DPH6: variants seen among roughly 807,000 people sequenced by gnomAD.
DPH6 encodes the protein diphthine--ammonia ligase.
Under a neutral mutation model 38.2 loss-of-function variants are expected in DPH6, and 33 were observed. The observed-to-expected ratio is 0.86, with a 90% CI of 0.65 to 1.15. The LOEUF (loss-of-function observed/expected upper bound fraction) is 1.15, where lower values mean the gene tolerates loss of function less well. Ranked by LOEUF, DPH6 falls within the 50% of genes most tolerant of loss-of-function variation. DPH6 has a pLI of 0.00. For synonymous variants in DPH6, 108 were observed against 103.0 expected (o/e 1.05, Z -0.30); for missense variants, 325 against 320.0 (o/e 1.02, Z -0.12).
intron 3 of DPH6, among the ~76,000 whole-genome samples, chr15:35,362,324 C>T (rs1417856593): frequency 6.6e-6 from 1 of 152,084 alleles, no homozygotes; most frequent in Non-Finnish European, 1.5e-5. Context: ...TCTCTGTGGC[C>T]CTCAGGAATC....
chr15:35,156,793 G>A, the DPH6 span, among the ~76,000 whole-genome samples: 1 of 152,054 alleles, frequency 6.6e-6, no homozygotes, highest in Non-Finnish European at 1.5e-5. Flanking sequence ...AGTTACAGGT[G>A]CTCTGTGTTT....
chr15:35,388,699 A>AT (rs1368699664), intron 6 of DPH6, among the ~76,000 whole-genome samples: 3 of 151,924 alleles, frequency 2.0e-5, no homozygotes, highest in African/African-American at 7.3e-5. Context: ...CCCCTTTGTC[A>AT]TTTTTTATTG....
intron 3 of DPH6, among the ~76,000 whole-genome samples, chr15:35,286,499 T>C (rs912223896): frequency 6.6e-6 from 1 of 152,160 alleles, no homozygotes; most frequent in African/African-American, 2.4e-5. Flanking sequence ...ATAGGCAACA[T>C]AAGCAGTAGG....
chr15:35,357,125 G>C (rs1488166241), intron 3 of DPH6, among the ~76,000 whole-genome samples: 1 of 152,264 alleles, frequency 6.6e-6, no homozygotes, highest in Non-Finnish European at 1.5e-5. Flanking sequence ...TGCTAAGACT[G>C]TTGGAGAAGC....
the DPH6 span, among the ~76,000 whole-genome samples, chr15:35,178,656 T>C: frequency 3.6e-4 from 55 of 152,198 alleles, no homozygotes; most frequent in Non-Finnish European, 7.5e-4. Flanking sequence ...AGAAGTTTTT[T>C]TGTTGGCTTC....
intron 3 of DPH6, chr15:35,521,931 G>C (rs2054927933): frequency 8.5e-6 from 12 of 1,419,858 alleles, no homozygotes; most frequent in Non-Finnish European, 1.1e-5. Context: ...TACATGGAAA[G>C]TTCATTTTTG....
intron 5 of DPH6, among the ~76,000 whole-genome samples, chr15:35,447,071 G>A (rs1339560517): frequency 1.3e-5 from 2 of 151,872 alleles, no homozygotes; most frequent in Non-Finnish European, 2.9e-5. Context: ...GGGTTTCACC[G>A]TGTTAGACAC....
intron 3 of DPH6, among the ~76,000 whole-genome samples, chr15:35,269,412 C>T (rs1401965751): frequency 6.6e-6 from 1 of 152,116 alleles, no homozygotes; most frequent in Non-Finnish European, 1.5e-5. Flanking sequence ...TTATTTAGGG[C>T]TTTTAGTCAG....
At position 35,538,321 on chromosome 15, in the gene DPH6, C is replaced by T. The variant is rs2055202229; in HGVS notation, c.265G>A (p.Glu89Lys). The T allele has an allele frequency of 6.2e-7, 1 of 1,601,770 alleles. No individual in the cohort carries two copies. The highest frequency in any genetic ancestry group is 1.3e-5 in the African/African-American group (1 of 74,764). Reference protein sequence around the residue: ...LDTRQVYTKCEGDEVEDLYEL... With the variant: ...LDTRQVYTKCKGDEVEDLYEL... ...TAGAGATCTTCAACCTCATCACCTTCACATTTGGTGTACACTTGTCTTGTA... is the reference window on the plus strand; with the variant it reads ...TAGAGATCTTCAACCTCATCACCTTTACATTTGGTGTACACTTGTCTTGTA... The change falls in exon 3 of 9, where the codon GAA (glutamate) becomes AAA (lysine). Residue 89 changes from glutamate to lysine, a missense_variant. By Grantham distance (56) the Glu-to-Lys change is moderately conservative. Transcript: ENST00000256538.
At chr15:35,187,499 T>C in the DPH6 span, among the ~76,000 whole-genome samples, 1 of 152,218 alleles carries the variant, frequency 6.6e-6, no homozygotes, top group Non-Finnish European at 1.5e-5. Flanking sequence ...ACTTGCCAAA[T>C]ACAATTGTTT....
At chr15:35,153,625 A>G in the DPH6 span, among the ~76,000 whole-genome samples, 1 of 152,272 alleles carries the variant, frequency 6.6e-6, no homozygotes, top group African/African-American at 2.4e-5. Context: ...TTAGTATGTA[A>G]GTTTGACCCT....
In DPH6 at chr15:35,272,726, T is replaced by C. The variant is rs112592017; in HGVS notation, n.201-52144A>G. ...GAGTTCAAGACCAGCCTGGCCAACA[T>C]GGTGAAACCCATCTCTACCAAAAAT... On this transcript the variant is annotated intron_variant and non_coding_transcript_variant, in intron 3 of 3. Coordinates refer to the DPH6 transcript ENST00000560386. Among the ~76,000 whole-genome samples, 64 of 152,134 alleles carry C rather than the reference T, an allele frequency of 4.2e-4. 1 individual carries two copies. The highest frequency in any genetic ancestry group is 3.4e-3 in the Middle Eastern group (1 of 294).
intron 6 of DPH6, among the ~76,000 whole-genome samples, chr15:35,391,370 G>T (rs892062256): frequency 6.6e-6 from 1 of 152,188 alleles, no homozygotes; most frequent in Non-Finnish European, 1.5e-5. Flanking sequence ...CTTCAAATCT[G>T]TCAGACAGGG....
the DPH6 span, among the ~76,000 whole-genome samples, chr15:35,146,114 T>C: frequency 1.3e-5 from 2 of 150,584 alleles, no homozygotes; most frequent in Admixed American, 1.3e-4. Flanking sequence ...TGTGTGTGTA[T>C]ACATACATGC....
At chr15:35,279,078 T>TATAG (rs1555390828) in intron 3 of DPH6, among the ~76,000 whole-genome samples, 1 of 141,478 alleles carries the variant, frequency 7.1e-6, no homozygotes, top group East Asian at 2.0e-4. Context: ...AATATATATA[T>TATAG]ATATATAATT....
the DPH6 span, among the ~76,000 whole-genome samples, chr15:35,185,874 G>A: frequency 0.084 from 12,661 of 151,300 alleles, 697 homozygotes; most frequent in East Asian, 0.3. Context: ...CTGGGACTAC[G>A]GGCGCCCGCC....
chr15:35,300,361 G>A (rs79278825), intron 3 of DPH6, among the ~76,000 whole-genome samples: 2,063 of 152,278 alleles, frequency 0.014, 19 homozygotes, highest in African/African-American at 0.023. Context: ...AATCATGGAG[G>A]AGGCAGCCAG....
intron 3 of DPH6, among the ~76,000 whole-genome samples, chr15:35,485,914 C>G (rs2054392032): frequency 1.3e-5 from 2 of 152,152 alleles, no homozygotes; most frequent in East Asian, 3.9e-4. Context: ...CAAATGGGTT[C>G]TGGACTTTAG....
chr15:35,293,054 T>C (rs1278253480), intron 3 of DPH6, among the ~76,000 whole-genome samples: 2 of 152,182 alleles, frequency 1.3e-5, no homozygotes, highest in East Asian at 1.9e-4. Context: ...GATCACTAGA[T>C]ATATAGATGG....
Sources: gnomAD v4.1 joint callset for allele counts (sites outside exome capture counted in the v4.1 genomes callset) on GRCh38, gnomAD v4.1.1 for gene constraint, MANE v1.5 for transcripts, NCBI Gene and HGNC (gene_info 2026-07-23, HGNC 2026-07-21) for gene names.